Variants in LYPD6 observed in about 807,000 individuals in gnomAD.
The protein encoded by LYPD6 is LY6/PLAUR domain containing 6, also known as ly6/PLAUR domain-containing protein 6.
Under a neutral mutation model 22.7 loss-of-function variants are expected in LYPD6, and 15 were observed. The ratio of observed to expected loss-of-function variants is 0.66; its 90% CI spans 0.44 to 1.02. The LOEUF (loss-of-function observed/expected upper bound fraction) is 1.02. Ranked by LOEUF, LYPD6 falls within the 50% of genes least tolerant of loss-of-function variation. LYPD6 has a pLI of 0.00. For synonymous variants in LYPD6, 72 were observed against 77.5 expected (o/e 0.93, Z 0.37); for missense variants, 189 against 208.4 (o/e 0.91, Z 0.57).
rs1324839439 is a variant in LYPD6, at chr2:149,473,751, G to T, written c.*2901G>T. 1.3e-5 allele frequency: 2 copies of T among 152,156 alleles called. No homozygotes were observed. Among genetic ancestry groups the T allele is most frequent in the Admixed American group, 6.6e-5 (1 of 15,264 alleles). The allele number at this position is 152,156 out of a possible 1,614,324, so 9.4% of individuals were successfully genotyped here. ...CAGAGGCTTGCTTTCTAGTTGTGTA[G>T]ACAAGAATACATGCATGAGAAGATA... On this transcript the variant is annotated 3_prime_UTR_variant, in exon 5 of 5. Transcript: ENST00000334166.
chr2:149,340,927 C>T (rs1681148878), intron 1 of LYPD6, among the ~76,000 whole-genome samples: 1 of 151,930 alleles, frequency 6.6e-6, no homozygotes, highest in South Asian at 2.1e-4. Flanking sequence ...TTTGACTCGC[C>T]ATGTGGAATA....
At chr2:149,448,030 A>G (rs1465012555) in intron 2 of LYPD6, among the ~76,000 whole-genome samples, 1 of 152,228 alleles carries the variant, frequency 6.6e-6, no homozygotes, top group Non-Finnish European at 1.5e-5. Flanking sequence ...GTGGTGGCTC[A>G]TACCTGTAAT....
intron 1 of LYPD6, among the ~76,000 whole-genome samples, chr2:149,402,059 C>T (rs1682568435): frequency 2.0e-5 from 3 of 151,960 alleles, no homozygotes; most frequent in African/African-American, 2.4e-5. Flanking sequence ...TTGACAGGTG[C>T]AGCAAACCAC....
intron 1 of LYPD6, among the ~76,000 whole-genome samples, chr2:149,435,321 G>C (rs921626240): frequency 6.6e-6 from 1 of 152,174 alleles, no homozygotes; most frequent in Admixed American, 6.5e-5. Context: ...TCTTAATTTT[G>C]TATTTTCCTC....
In LYPD6 at chr2:149,473,405, G is replaced by A. The variant is rs940777615; in HGVS notation, c.*2555G>A. On this transcript the variant is annotated 3_prime_UTR_variant, in exon 5 of 5. Transcript: ENST00000334166. ...AGAGTCATTCACATGGAAGGTCCGG[G>A]ACTGGTCAGCCACTCTGACTTTTCT... The A allele has an allele frequency of 6.6e-6, 1 of 152,606 alleles. No homozygotes were observed. Among genetic ancestry groups the A allele is most frequent in the African/African-American group, 2.4e-5 (1 of 41,432 alleles). 9.5% of individuals were successfully genotyped at this position (152,606 alleles called of 1,614,324 possible).
chr2:149,378,039 A>C (rs1681969430), intron 1 of LYPD6, among the ~76,000 whole-genome samples: 1 of 152,024 alleles, frequency 6.6e-6, no homozygotes, highest in Non-Finnish European at 1.5e-5. Flanking sequence ...AAAGCTGGAG[A>C]TGCTGTTTTA....
chr2:149,406,243 A>G (rs1462545337), intron 1 of LYPD6, among the ~76,000 whole-genome samples: 4 of 151,926 alleles, frequency 2.6e-5, no homozygotes, highest in African/African-American at 9.7e-5. Context: ...GTAGATGTCT[A>G]TTAGGTCCAC....
the LYPD6 span, among the ~76,000 whole-genome samples, chr2:149,483,183 C>T: frequency 6.6e-6 from 1 of 152,212 alleles, no homozygotes; most frequent in African/African-American, 2.4e-5. Flanking sequence ...TTGTCTGGCA[C>T]TCCAGCATTC....
intron 1 of LYPD6, among the ~76,000 whole-genome samples, chr2:149,404,283 G>T (rs1282495701): frequency 6.6e-6 from 1 of 152,164 alleles, no homozygotes; most frequent in Non-Finnish European, 1.5e-5. Context: ...ATCATTGTTA[G>T]CTTGATGGGG....
intron 1 of LYPD6, among the ~76,000 whole-genome samples, chr2:149,386,195 T>A (rs1292414042): frequency 1.3e-5 from 2 of 152,170 alleles, no homozygotes; most frequent in Admixed American, 6.5e-5. Context: ...GAAAGGAGAA[T>A]CTTTAGAAAA....
chr2:149,415,748 C>T (rs777283310), intron 1 of LYPD6, among the ~76,000 whole-genome samples: 24 of 152,074 alleles, frequency 1.6e-4, no homozygotes, highest in Non-Finnish European at 3.2e-4. Flanking sequence ...CTCACTGCAG[C>T]GTCAACCTCC....
intron 1 of LYPD6, among the ~76,000 whole-genome samples, chr2:149,385,960 A>G (rs2105092805): frequency 6.6e-6 from 1 of 152,288 alleles, no homozygotes; most frequent in East Asian, 1.9e-4. Context: ...ACTGTTCCCC[A>G]GGTATGGTTA....
At chr2:149,398,227 T>A (rs1682467836) in intron 1 of LYPD6, among the ~76,000 whole-genome samples, 1 of 152,052 alleles carries the variant, frequency 6.6e-6, no homozygotes, top group South Asian at 2.1e-4. Flanking sequence ...AAAGCAGGGA[T>A]TTTTTTCTCT....
intron 1 of LYPD6, among the ~76,000 whole-genome samples, chr2:149,382,199 T>C (rs1343239057): frequency 2.0e-5 from 3 of 152,166 alleles, no homozygotes; most frequent in Non-Finnish European, 2.9e-5. Context: ...TTTAGAAATA[T>C]ATTAATTAAC....
intron 2 of LYPD6, 109 bp from the exon 3 acceptor site, chr2:149,448,940 G>A: frequency 1.2e-6 from 1 of 830,020 alleles, no homozygotes; most frequent in Non-Finnish European, 1.9e-6. Context: ...TTAAGAAACT[G>A]CTAAGTTGTC....
At chr2:149,456,280 A>T (rs1680956210) in intron 3 of LYPD6, among the ~76,000 whole-genome samples, 1 of 152,116 alleles carries the variant, frequency 6.6e-6, no homozygotes, top group Non-Finnish European at 1.5e-5. Flanking sequence ...ATTTTACTGA[A>T]CTTTGAAGTA....
intron 3 of LYPD6, among the ~76,000 whole-genome samples, chr2:149,464,916 T>C (rs1219547266): frequency 6.6e-6 from 1 of 152,040 alleles, no homozygotes; most frequent in Non-Finnish European, 1.5e-5. Context: ...CTTCCTGAGA[T>C]AGACACATGT....
At chr2:149,398,995 G>A (rs1370405870) in intron 1 of LYPD6, among the ~76,000 whole-genome samples, 1 of 152,120 alleles carries the variant, frequency 6.6e-6, no homozygotes, top group African/African-American at 2.4e-5. Context: ...ACCAAGGTGA[G>A]AAGATGACTT....
downstream of LYPD6, among the ~76,000 whole-genome samples, chr2:149,476,925 A>G (rs1250492939): frequency 1.4e-4 from 21 of 152,154 alleles, 1 homozygote; most frequent in Admixed American, 1.4e-3. Context: ...AGCAACCCAC[A>G]TCACACAGTG....
Sources: gnomAD v4.1 joint callset for allele counts (sites outside exome capture counted in the v4.1 genomes callset) on GRCh38, gnomAD v4.1.1 for gene constraint, MANE v1.5 for transcripts, NCBI Gene and HGNC (gene_info 2026-07-23, HGNC 2026-07-21) for gene names.